DOCK10: variants seen among roughly 807,000 people sequenced by gnomAD.
DOCK10 encodes dedicator of cytokinesis 10.
Under a neutral mutation model 280.1 loss-of-function variants are expected in DOCK10, and 145 were observed. The ratio of observed to expected loss-of-function variants is 0.52; its 90% CI spans 0.45 to 0.59. The LOEUF (loss-of-function observed/expected upper bound fraction) is 0.59. DOCK10 is among the 20% of genes least tolerant of loss of function. The pLI, the probability that DOCK10 is intolerant of heterozygous loss-of-function variation, is 0.00. For synonymous variants in DOCK10, 915 were observed against 942.2 expected, an observed-to-expected ratio of 0.97 and a Z score of 0.53; for missense variants, 2,368 against 2,651.7, an observed-to-expected ratio of 0.89 and a Z score of 2.35.
At chr2:224,869,554 A>T (rs1698135727) in intron 11 of DOCK10, among the ~76,000 whole-genome samples, 2 of 152,358 alleles carry the variant, frequency 1.3e-5, no homozygotes, top group South Asian at 4.1e-4. Flanking sequence ...TGAGGCTGAC[A>T]TTATTTTTTG....
intron 41 of DOCK10, 85 bp downstream of exon 41, chr2:224,800,065 TA>T (rs77823647): frequency 3.9e-5 from 29 of 742,958 alleles, no homozygotes; most frequent in South Asian, 9.5e-5. Context: ...CATAAATAAT[TA>T]AAAAAAACCA....
chr2:224,815,548 A>G (rs1046086670), intron 30 of DOCK10, among the ~76,000 whole-genome samples: 1 of 152,108 alleles, frequency 6.6e-6, no homozygotes, highest in Non-Finnish European at 1.5e-5. Context: ...CCTATTTTCT[A>G]TGAAATATGC....
intron 1 of DOCK10, among the ~76,000 whole-genome samples, chr2:225,028,921 T>G (rs1031128868): frequency 1.3e-5 from 2 of 152,216 alleles, no homozygotes; most frequent in Non-Finnish European, 2.9e-5. Flanking sequence ...TAAGCGAATG[T>G]GTACTATTTA....
intron 4 of DOCK10, chr2:224,893,774 A>T (rs1699835192): frequency 3.0e-6 from 1 of 329,562 alleles, no homozygotes; most frequent in Admixed American, 4.6e-5. Context: ...AGTCTCAGCA[A>T]CTCATAAAAA....
intron 23 of DOCK10, among the ~76,000 whole-genome samples, chr2:224,841,115 T>G (rs924121614): frequency 2.6e-5 from 4 of 151,922 alleles, no homozygotes; most frequent in African/African-American, 7.2e-5. Flanking sequence ...GGGAGGGGAG[T>G]GCTGGGAGAT....
chr2:224,991,827 C>T (rs1188231689), intron 1 of DOCK10, among the ~76,000 whole-genome samples: 6 of 152,294 alleles, frequency 3.9e-5, no homozygotes, highest in Admixed American at 1.3e-4. Flanking sequence ...GCGGTAAACA[C>T]TAGAAAGGTG....
At chr2:224,832,298 T>C (rs1310966090) in intron 26 of DOCK10, among the ~76,000 whole-genome samples, 1 of 152,216 alleles carries the variant, frequency 6.6e-6, no homozygotes. Context: ...GCCTTTTTCA[T>C]TCAACAAATT....
Position 224,770,730 on chromosome 2 carries a change from A to T in DOCK10, c.6205-85T>A. 1.1e-6 allele frequency: 1 copy of T among 951,264 alleles called. No individual in the cohort carries two copies. The highest frequency in any genetic ancestry group is 1.4e-5 in the South Asian group (1 of 72,606). The allele number at this position is 951,264 out of a possible 1,614,324, so 58.9% of individuals were successfully genotyped here. A position where few individuals can be genotyped will look rare whatever the true frequency, so the allele number is the denominator to read the frequency against. ...CTGGAAGAGGAGCAACTGTGCACCA[A>T]TGGTGTGGTACCCCCATCTCACACC... On this transcript the variant is annotated intron_variant, in intron 53 of 55. Coordinates refer to ENST00000258390, the MANE Select transcript of DOCK10 (RefSeq NM_014689.3). The surrounding 1 kb of genome is among the most constrained non-coding windows in gnomAD (Gnocchi z 4.5).
intron 1 of DOCK10, chr2:225,010,645 T>A (rs1280333523): frequency 1.9e-5 from 3 of 154,300 alleles, no homozygotes; most frequent in African/African-American, 7.2e-5. Flanking sequence ...ATCTTTTGAT[T>A]CAAATAAGAC....
chr2:224,788,280 C>A (rs1449052613), intron 48 of DOCK10, among the ~76,000 whole-genome samples: 1 of 152,012 alleles, frequency 6.6e-6, no homozygotes, highest in Non-Finnish European at 1.5e-5. Context: ...CTTTCATATA[C>A]TAGTGGTTTA....
Position 224,796,982 on chromosome 2 carries a change from A to T in DOCK10, c.4809T>A (p.Ile1603=). 6.2e-7 allele frequency: 1 copy of T among 1,613,090 alleles called. No homozygotes were observed. The highest frequency in any genetic ancestry group is 1.3e-5 in the African/African-American group (1 of 74,964). ...KNFEFNKQKS[I]VRSHLQLIKA... ...CACTTACTTGTAAGTGGGACCGGAC[A>T]ATTGACTTCTGCTTGTTAAATTCAA... Residue 1603 remains isoleucine, a synonymous_variant, in exon 43 of 56, where the codon ATT becomes ATA. Transcript: ENST00000258390.
At chr2:224,984,348 A>G (rs541614382) in intron 1 of DOCK10, among the ~76,000 whole-genome samples, 1 of 152,272 alleles carries the variant, frequency 6.6e-6, no homozygotes, top group South Asian at 2.1e-4. Flanking sequence ...AATCTGGCTG[A>G]CCTCTGCGGT....
chr2:224,910,743 T>C (rs1300935744), intron 3 of DOCK10, among the ~76,000 whole-genome samples: 3 of 152,342 alleles, frequency 2.0e-5, no homozygotes, highest in East Asian at 3.9e-4. Flanking sequence ...GTGACCTCTT[T>C]CTTCTTATCT....
intron 3 of DOCK10, among the ~76,000 whole-genome samples, chr2:224,916,143 C>T (rs185466002): frequency 6.6e-6 from 1 of 152,226 alleles, no homozygotes; most frequent in Non-Finnish European, 1.5e-5. Flanking sequence ...TGCCTGTAAT[C>T]CCAGCACTTT....
chr2:225,039,423 C>A (rs745672781), intron 1 of DOCK10, among the ~76,000 whole-genome samples: 1 of 152,130 alleles, frequency 6.6e-6, no homozygotes, highest in African/African-American at 2.4e-5. Flanking sequence ...GCAAATATTT[C>A]TCCTTTTGAA....
At chr2:224,888,221 G>C (rs1290066071) in intron 4 of DOCK10, among the ~76,000 whole-genome samples, 1 of 110,972 alleles carries the variant, frequency 9.0e-6, no homozygotes, top group African/African-American at 4.2e-5. Flanking sequence ...ATATAGGCCT[G>C]TGTGTGTGTG....
At chr2:225,038,598 T>C (rs1385889592) in intron 1 of DOCK10, among the ~76,000 whole-genome samples, 1 of 152,204 alleles carries the variant, frequency 6.6e-6, no homozygotes, top group Non-Finnish European at 1.5e-5. Context: ...CCTGGTTAAG[T>C]ATAATCACTT....
At chr2:224,813,567 T>G (rs1693927349) in intron 31 of DOCK10, among the ~76,000 whole-genome samples, 1 of 152,228 alleles carries the variant, frequency 6.6e-6, no homozygotes, top group Non-Finnish European at 1.5e-5. Context: ...ACCTGCTGTC[T>G]GCTAGCACTA....
chr2:224,940,011 A>G (rs923052692), intron 1 of DOCK10, among the ~76,000 whole-genome samples: 3 of 152,192 alleles, frequency 2.0e-5, no homozygotes, highest in Non-Finnish European at 2.9e-5. Context: ...CCACATTCCC[A>G]TAAGAAGCAG....
Sources: allele counts gnomAD v4.1 joint callset (sites outside exome capture counted in the v4.1 genomes callset), GRCh38; gene constraint gnomAD v4.1.1; non-coding constraint Gnocchi (gnomAD v3.1); transcripts MANE v1.5; gene names NCBI Gene and HGNC (gene_info 2026-07-23, HGNC 2026-07-21).